Variants in CPAMD8 observed in about 807,000 individuals in gnomAD.
The protein encoded by CPAMD8 is C3 and PZP-like alpha-2-macroglobulin domain-containing protein 8.
CPAMD8 carries 146 observed loss-of-function variants against 224.7 expected under a neutral mutation model. The observed-to-expected ratio is 0.65, with a 90% CI of 0.57 to 0.75. CPAMD8 has a LOEUF of 0.75. CPAMD8 is among the 30% of genes least tolerant of loss of function. The pLI, the probability that CPAMD8 is intolerant of heterozygous loss-of-function variation, is 0.00. For missense variants in CPAMD8, 2,301 were observed against 2,537.5 expected, an observed-to-expected ratio of 0.91 and a Z score of 2.00; for synonymous variants, 966 against 1,044.6, an observed-to-expected ratio of 0.92 and a Z score of 1.45.
rs541377423 is a variant in CPAMD8 at position 17,018,235 on chromosome 19, C to T, written c.267+2096G>A. On this transcript the variant is annotated intron_variant, in intron 3 of 41. Coordinates refer to ENST00000443236, the MANE Select transcript of CPAMD8 (RefSeq NM_015692.5). ...GGTAAAAGTTAAGGAATAGCTAACC[C>T]CCCAAATGCCGCAATTCCAGGGCTT... Among the ~76,000 whole-genome samples, 42 of 152,236 alleles carry T rather than the reference C, an allele frequency of 2.8e-4. No homozygotes were observed. In the South Asian group the frequency reaches 8.3e-3, roughly 30 times the overall value.
intron 29 of CPAMD8, among the ~76,000 whole-genome samples, chr19:16,910,277 C>A (rs1241352503): frequency 6.6e-6 from 1 of 151,836 alleles, no homozygotes; most frequent in Admixed American, 6.6e-5. Context: ...TCAAGCGATT[C>A]TTCTGCCTCA....
chr19:16,983,585 G>A (rs911316340), intron 13 of CPAMD8, among the ~76,000 whole-genome samples: 1 of 152,038 alleles, frequency 6.6e-6, no homozygotes, highest in Non-Finnish European at 1.5e-5. Context: ...TGTCAAGGTC[G>A]TGAAAGACAA....
At position 16,902,315 on chromosome 19, in the gene CPAMD8, G is replaced by A. The variant is rs2052291819; in HGVS notation, c.4685+334C>T. Among the ~76,000 whole-genome samples, 5 of 152,096 alleles carry A rather than the reference G, an allele frequency of 3.3e-5. No homozygotes were observed. In the South Asian group the frequency reaches 1.0e-3, roughly 32 times the overall value. ...GCAGATCACGAGGTCAGGAGTTCGA[G>A]ACCAGCCTGGCCAACATGGTGAAAC... On this transcript the variant is annotated intron_variant, in intron 35 of 41. Transcript: ENST00000443236.
intron 25 of CPAMD8, 117 bp downstream of exon 25, chr19:16,927,892 G>T: frequency 1.4e-6 from 1 of 740,256 alleles, no homozygotes. Flanking sequence ...GTGGGTGTAT[G>T]GGTGGACACC....
At chr19:16,979,818 C>CCTGT (rs34158143) in intron 14 of CPAMD8, among the ~76,000 whole-genome samples, 73,619 of 151,562 alleles carry the variant, frequency 0.49, 21,108 homozygotes, top group African/African-American at 0.81. Flanking sequence ...AGAGATCCTG[C>CCTGT]CTATCTATCT....
At chr19:16,970,011 A>G (rs113245372) in intron 18 of CPAMD8, among the ~76,000 whole-genome samples, 3,760 of 151,484 alleles carry the variant, frequency 0.025, 71 homozygotes, top group African/African-American at 0.04. Context: ...AAGGTGGGCG[A>G]ATCACAAGGT....
At chr19:16,922,132 T>C in intron 26 of CPAMD8, 146 bp from the exon 27 acceptor site, 1 of 605,920 alleles carries the variant, frequency 1.7e-6, no homozygotes, top group Non-Finnish European at 2.9e-6. Flanking sequence ...TCGAATCACA[T>C]CTGGAGTCCT....
intron 7 of CPAMD8, 146 bp from the exon 8 acceptor site, chr19:17,004,532 G>A (rs2056430223): frequency 5.0e-6 from 3 of 598,500 alleles, no homozygotes; most frequent in Non-Finnish European, 6.0e-6. Context: ...GGCGGGGTCT[G>A]TGCAGAGCAG....
At chr19:16,918,971 G>A (rs1160827679) in intron 27 of CPAMD8, among the ~76,000 whole-genome samples, 1 of 152,034 alleles carries the variant, frequency 6.6e-6, no homozygotes, top group Non-Finnish European at 1.5e-5. Flanking sequence ...GGGAGGCTGA[G>A]GTGGGCAGAT....
chr19:16,987,868 T>A (rs2055802591), intron 13 of CPAMD8, among the ~76,000 whole-genome samples: 1 of 151,938 alleles, frequency 6.6e-6, no homozygotes, highest in Non-Finnish European at 1.5e-5. Flanking sequence ...TTCACCATGT[T>A]GCCCAGGCTG....
At chr19:16,940,464 T>C (rs1452274414) in intron 22 of CPAMD8, among the ~76,000 whole-genome samples, 2 of 151,762 alleles carry the variant, frequency 1.3e-5, no homozygotes, top group African/African-American at 2.4e-5. Context: ...ATCTCTAAGA[T>C]GGGGGTTAAA....
In CPAMD8 at chr19:16,914,785, C is replaced by T. The variant is rs57249432; in HGVS notation, c.3658G>A (p.Ala1220Thr). 1.4e-3 allele frequency: 2,234 copies of T among 1,613,060 alleles called. 23 individuals are homozygous for T. In the African/African-American group the frequency reaches 0.022, roughly 16 times the overall value. ...ACGAAGATAAAGCTGCGAGCCTGTG[C>T]GAAGGACTTCAGGACAAAGGCTGTG... ...WLTAFVLKSF[A>T]QARSFIFVDP... Residue 1220 changes from alanine (A) to threonine (T), a missense_variant, in exon 28 of 42, where the codon GCA becomes ACA. Coordinates refer to ENST00000443236, the MANE Select transcript of CPAMD8 (RefSeq NM_015692.5).
chr19:16,929,372 T>G (rs992520012), intron 23 of CPAMD8, 132 bp from the exon 24 acceptor site: 15 of 698,088 alleles, frequency 2.1e-5, no homozygotes, highest in Non-Finnish European at 3.1e-5. Context: ...CATGGTGGAA[T>G]GGTGTTGGCC....
intron 18 of CPAMD8, among the ~76,000 whole-genome samples, chr19:16,959,498 T>TGACATTGAG (rs1599785222): frequency 6.6e-6 from 1 of 151,656 alleles, no homozygotes; most frequent in East Asian, 1.9e-4. Context: ...TCTAGTTCAG[T>TGACATTGAG]GACATTGAGG....
intron 12 of CPAMD8, among the ~76,000 whole-genome samples, chr19:16,992,699 G>C (rs1303975545): frequency 6.6e-6 from 1 of 152,130 alleles, no homozygotes; most frequent in African/African-American, 2.4e-5. Flanking sequence ...TGATCCATCT[G>C]CCTTGGCCTC....
chr19:16,918,047 G>A (rs2053027587), intron 27 of CPAMD8, among the ~76,000 whole-genome samples: 1 of 152,164 alleles, frequency 6.6e-6, no homozygotes, highest in African/African-American at 2.4e-5. Flanking sequence ...CCAGGCTGGA[G>A]TGCAGTGGCA....
chr19:16,893,094 A>G lies in CPAMD8; in HGVS notation c.*14T>C. The G allele has an allele frequency of 8.6e-7, 1 of 1,167,014 alleles. No homozygotes were observed. Among genetic ancestry groups the G allele is most frequent in the African/African-American group, 1.5e-5 (1 of 66,684 alleles). 72.3% of individuals were successfully genotyped at this position (1,167,014 alleles called of 1,614,324 possible). A position where few individuals can be genotyped will look rare whatever the true frequency, so the allele number is the denominator to read the frequency against. On this transcript the variant is annotated 3_prime_UTR_variant, in exon 42 of 42. Transcript: ENST00000443236. ...GACCAAACTGCGGTCCCACAACTGC[A>G]TGTGGTTGTAGGATTATCTCAAGGT...
At chr19:16,908,124 C>T (rs1333593498) in intron 29 of CPAMD8, among the ~76,000 whole-genome samples, 1 of 151,928 alleles carries the variant, frequency 6.6e-6, no homozygotes. Context: ...TTTGGGAGGC[C>T]GAGGTGGGCA....
chr19:16,936,336 A>G lies in CPAMD8; in HGVS notation c.2845+2059T>C, dbSNP rs551496876. On this transcript the variant is annotated intron_variant, in intron 23 of 41. Transcript: ENST00000443236. ...GATGTTGAGCATCTTTTTATGTGCA[A>G]TTTGCCATCTGTATGTCTCCTCTGG... 8.5e-5 allele frequency among the ~76,000 whole-genome samples: 13 copies of G among 152,070 alleles called. No homozygotes were observed. The South Asian group carries it at 1.2e-3, about 15-fold the overall frequency.
Sources: allele counts gnomAD v4.1 joint callset (sites outside exome capture counted in the v4.1 genomes callset), GRCh38; gene constraint gnomAD v4.1.1; transcripts MANE v1.5; gene names NCBI Gene and HGNC (gene_info 2026-07-23, HGNC 2026-07-21).